Variants in KDM4E observed in about 807,000 individuals in gnomAD.
The protein encoded by KDM4E is lysine-specific demethylase 4E.
For missense variants in KDM4E, 576 were observed against 642.6 expected (o/e 0.90, Z 1.12); for synonymous variants, 229 against 232.9 (o/e 0.98, Z 0.15).
chr11:95,026,746 TG>T lies in KDM4E; in HGVS notation c.1190del (p.Cys397LeufsTer84), dbSNP rs1555103009. The stretch of plus-strand genomic sequence containing the variant: ...AGGGCACTGTTACAACCCAAAAGGC[TG>T]TGGCACTGATGCTGTGCCTGGATCC... Reference protein sequence around the residue: ...SSGHCYNPKGCGTDAVPGSAF... With the variant: ...SSGHCYNPKGXGTDAVPGSAF... On this transcript the variant is annotated frameshift_variant, in exon 1 of 1. Coordinates refer to ENST00000450979, the MANE Select transcript of KDM4E (RefSeq NM_001161630.1). LOFTEE classifies it low-confidence loss of function (END_TRUNC). The T allele has an allele frequency of 2.0e-6, 3 of 1,537,288 alleles. No homozygotes were observed. In the South Asian group the frequency reaches 3.6e-5, roughly 18 times the overall value.
In KDM4E at chr11:95,026,621, T is replaced by C. The variant is rs1555102947; in HGVS notation, c.1064T>C (p.Leu355Pro). ...CCCAGGGTTGCAGAAAGCCAAGAGC[T>C]GAGCAACTGGAGAGATGATATAGTA... ...TEPRVAESQE[L>P]SNWRDDIVLR... Residue 355 changes from leucine to proline, a missense_variant, in exon 1 of 1, where the codon CTG becomes CCG. Leu to Pro is a moderately conservative substitution (Grantham distance 98). Coordinates refer to ENST00000450979, the MANE Select transcript of KDM4E (RefSeq NM_001161630.1). 2.0e-6 allele frequency: 3 copies of C among 1,537,204 alleles called. No homozygotes were observed. In the African/African-American group the frequency reaches 4.1e-5, roughly 21 times the overall value.
In KDM4E at chr11:95,026,970, T is replaced by C; in HGVS notation, c.1413T>C (p.Val471=). 6.5e-7 allele frequency: 1 copy of C among 1,537,238 alleles called. No homozygotes were observed. Among genetic ancestry groups the C allele is most frequent in the South Asian group, 1.2e-5 (1 of 84,052 alleles). Residue 471 remains valine (V), a synonymous_variant, in exon 1 of 1, where the codon GTT becomes GTC. Transcript: ENST00000450979. ...AACTGGGGACTGAGGAGCCAACTGT[T>C]CAGCCTGCATCCAAGAGGCGCCTTT... ...TRELGTEEPT[V]QPASKRRLLM...
At position 95,026,415 on chromosome 11, in the gene KDM4E, C is replaced by A. The variant is rs187600881; in HGVS notation, c.858C>A (p.Cys286Ter). ...YHAGFNHGFN[C>*]AEAINFATPR... The stretch of plus-strand genomic sequence containing the variant: ...CTGGCTTCAATCACGGCTTCAACTG[C>A]GCAGAAGCCATTAATTTTGCCACTC... The change falls in exon 1 of 1, where the codon TGC (cysteine) becomes TGA (stop). Residue 286 changes from cysteine to a stop codon, truncating the protein, a stop_gained. Coordinates refer to ENST00000450979, the MANE Select transcript of KDM4E (RefSeq NM_001161630.1). LOFTEE classifies it low-confidence loss of function (END_TRUNC). The A allele has an allele frequency of 8.7e-6, 14 of 1,613,018 alleles. No individual in the cohort carries two copies. Among genetic ancestry groups the A allele is most frequent in the Admixed American group, 3.3e-5 (2 of 60,012 alleles).
rs548765334 is a variant in KDM4E, at chr11:95,027,094, A to G, written c.*16A>G. 4 of 1,534,530 alleles carry G rather than the reference A, an allele frequency of 2.6e-6. No individual in the cohort carries two copies. The highest frequency in any genetic ancestry group is 1.2e-5 in the South Asian group (1 of 83,888). ...GTCCCTTTGAGTGGTGGCCTTCAGC[A>G]TCTTGCCAAGGCTTCTGGCTGCTGC... On this transcript the variant is annotated 3_prime_UTR_variant, in exon 1 of 1. Coordinates refer to ENST00000450979, the MANE Select transcript of KDM4E (RefSeq NM_001161630.1).
At position 95,026,030 on chromosome 11, in the gene KDM4E, T is replaced by C. The variant is rs2134129502; in HGVS notation, c.473T>C (p.Leu158Pro). The change falls in exon 1 of 1, where the codon CTG becomes CCG. Residue 158 changes from leucine (L) to proline (P), a missense_variant. Physicochemically the swap from Leu to Pro is moderately conservative, Grantham distance 98. Transcript: ENST00000450979. ...QWNLGHLGTI[L>P]DLLEQECGVV... Reference sequence around the variant, plus strand: ...AACCTAGGACACCTGGGAACAATTCTGGACCTGTTGGAGCAGGAATGTGGG... The same window carrying C: ...AACCTAGGACACCTGGGAACAATTCCGGACCTGTTGGAGCAGGAATGTGGG... The C allele has an allele frequency of 1.9e-6, 3 of 1,611,242 alleles. No homozygotes were observed. Among genetic ancestry groups the C allele is most frequent in the Non-Finnish European group, 2.5e-6 (3 of 1,178,266 alleles).
chr11:95,026,503 T>A lies in KDM4E; in HGVS notation c.946T>A (p.Phe316Ile). 6.3e-7 allele frequency: 1 copy of A among 1,591,000 alleles called. No homozygotes were observed. The highest frequency in any genetic ancestry group is 8.5e-7 in the Non-Finnish European group (1 of 1,174,064). ...QCSCGESTVT[F>I]SMDPFVRIVQ... ...TAGCTGTGGGGAGTCGACAGTGACCTTTTCCATGGACCCCTTTGTGCGCAT... is the reference window on the plus strand; with the variant it reads ...TAGCTGTGGGGAGTCGACAGTGACCATTTCCATGGACCCCTTTGTGCGCAT... Residue 316 changes from phenylalanine to isoleucine, a missense_variant, in exon 1 of 1, where the codon TTT (phenylalanine) becomes ATT (isoleucine). Transcript: ENST00000450979.
chr11:95,026,918 G>C lies in KDM4E; in HGVS notation c.1361G>C (p.Gly454Ala), dbSNP rs1326375274. The change falls in exon 1 of 1, where the codon GGT (glycine) becomes GCT (alanine). Residue 454 changes from glycine to alanine, a missense_variant. Transcript: ENST00000450979. ...GQGQGRGCSR[G>A]RGHGCCTREL... is the part of the protein sequence containing the mutation. ...GGTCAAGGTCGAGGTTGCAGTCGTGGTCGTGGTCATGGTTGTTGTACTCGA... is the reference window on the plus strand; with the variant it reads ...GGTCAAGGTCGAGGTTGCAGTCGTGCTCGTGGTCATGGTTGTTGTACTCGA... 6.5e-6 allele frequency: 10 copies of C among 1,537,108 alleles called. No homozygotes were observed. The highest frequency in any genetic ancestry group is 4.4e-6 in the Non-Finnish European group (5 of 1,146,906).
chr11:95,027,196 C>A lies in KDM4E; in HGVS notation c.*118C>A, dbSNP rs781861775. ...ATGCACCCTGGCCTGTGCCTGCTAT[C>A]CCTCAACAGCACTACTAGTAATCTC... On this transcript the variant is annotated 3_prime_UTR_variant, in exon 1 of 1. Coordinates refer to ENST00000450979, the MANE Select transcript of KDM4E (RefSeq NM_001161630.1). The A allele has an allele frequency of 2.7e-5, 35 of 1,297,790 alleles. No homozygotes were observed. The highest frequency in any genetic ancestry group is 5.1e-4 in the Middle Eastern group (2 of 3,916). The allele number at this position is 1,297,790 out of a possible 1,614,324, so 80.4% of individuals were successfully genotyped here.
At position 95,026,715 on chromosome 11, in the gene KDM4E, G is replaced by T. The variant is rs926836009; in HGVS notation, c.1158G>T (p.Val386=). 2 of 1,537,262 alleles carry T rather than the reference G, an allele frequency of 1.3e-6. No individual in the cohort carries two copies. The highest frequency in any genetic ancestry group is 1.7e-4 in the Middle Eastern group (1 of 5,990). Reference sequence around the variant, plus strand: ...CAGCCCAGTGTCCCACACAGCCTGTGTCCTCAGGGCACTGTTACAACCCAA... The same window carrying T: ...CAGCCCAGTGTCCCACACAGCCTGTTTCCTCAGGGCACTGTTACAACCCAA... ...NLTAQCPTQP[V]SSGHCYNPKG... Residue 386 remains valine (V), a synonymous_variant, in exon 1 of 1, where the codon GTG becomes GTT. Transcript: ENST00000450979.
chr11:95,026,938 A>G lies in KDM4E; in HGVS notation c.1381A>G (p.Thr461Ala), dbSNP rs782099329. The G allele has an allele frequency of 1.9e-5, 29 of 1,536,876 alleles. No homozygotes were observed. Among genetic ancestry groups the G allele is most frequent in the Middle Eastern group, 1.7e-4 (1 of 6,012 alleles). The change falls in exon 1 of 1, where the codon ACT (threonine) becomes GCT (alanine). Residue 461 changes from threonine (T) to alanine (A), a missense_variant. Coordinates refer to ENST00000450979, the MANE Select transcript of KDM4E (RefSeq NM_001161630.1). Reference sequence around the variant, plus strand: ...TCGTGGTCGTGGTCATGGTTGTTGTACTCGAGAACTGGGGACTGAGGAGCC... The same window carrying G: ...TCGTGGTCGTGGTCATGGTTGTTGTGCTCGAGAACTGGGGACTGAGGAGCC... ...CSRGRGHGCC[T>A]RELGTEEPTV... is the part of the protein sequence containing the mutation.
chr11:95,026,870 G>T lies in KDM4E; in HGVS notation c.1313G>T (p.Gly438Val). 1.3e-6 allele frequency: 2 copies of T among 1,536,836 alleles called. No homozygotes were observed. Among genetic ancestry groups the T allele is most frequent in the Non-Finnish European group, 1.7e-6 (2 of 1,146,704 alleles). ...CCTTCCACTGGAAGCTGGGGTTCTG[G>T]TCGTGGTCGTGGTCGTGGTCAAGGT... ...LLPSTGSWGS[G>V]RGRGRGQGQG... Residue 438 changes from glycine (G) to valine (V), a missense_variant, in exon 1 of 1, where the codon GGT (glycine) becomes GTT (valine). Physicochemically the swap from Gly to Val is moderately radical, Grantham distance 109 (BLOSUM62 -3). Coordinates refer to ENST00000450979, the MANE Select transcript of KDM4E (RefSeq NM_001161630.1).
In KDM4E at chr11:95,027,005, C is replaced by G; in HGVS notation, c.1448C>G (p.Thr483Arg). Residue 483 changes from threonine (T) to arginine (R), a missense_variant, in exon 1 of 1, where the codon ACA (threonine) becomes AGA (arginine). Transcript: ENST00000450979. ...TCCAAGAGGCGCCTTTTAATGGGTA[C>G]AAGGAGTAGAGCTCAAGGCCACAGG... Reference protein sequence around the residue: ...PASKRRLLMGTRSRAQGHRPQ... With the variant: ...PASKRRLLMGRRSRAQGHRPQ... 2 of 1,537,220 alleles carry G rather than the reference C, an allele frequency of 1.3e-6. No individual in the cohort carries two copies. Among genetic ancestry groups the G allele is most frequent in the East Asian group, 4.9e-5 (2 of 40,906 alleles).
Position 95,025,506 on chromosome 11 carries a change from C to T in KDM4E, c.-52C>T. 6.7e-7 allele frequency: 1 copy of T among 1,482,000 alleles called. No homozygotes were observed. The highest frequency in any genetic ancestry group is 1.4e-5 in the African/African-American group (1 of 71,254). The allele number at this position is 1,482,000 out of a possible 1,614,324, so 91.8% of individuals were successfully genotyped here. A position where few individuals can be genotyped will look rare whatever the true frequency, so the allele number is the denominator to read the frequency against. On this transcript the variant is annotated 5_prime_UTR_variant, in exon 1 of 1. Coordinates refer to ENST00000450979, the MANE Select transcript of KDM4E (RefSeq NM_001161630.1). ...GAAATTACTCCCCAGAACTCTCAGG[C>T]ATCTAGAGGACACCCAAGAACGTGG...
At position 95,025,836 on chromosome 11, in the gene KDM4E, G is replaced by A. The variant is rs782004714; in HGVS notation, c.279G>A (p.Met93Ile). The A allele has an allele frequency of 2.5e-6, 4 of 1,595,032 alleles. No homozygotes were observed. The highest frequency in any genetic ancestry group is 4.5e-5 in the East Asian group (2 of 44,212). ...AATACCATAAAAAGAAGAAAGCCAT[G>A]AGGGTGGGGCAGTATCGCCGCTTGG... ...FTQYHKKKKA[M>I]RVGQYRRLAN... is the part of the protein sequence containing the mutation. The change falls in exon 1 of 1, where the codon ATG becomes ATA. Residue 93 changes from methionine to isoleucine, a missense_variant. Physicochemically the swap from Met to Ile is conservative, Grantham distance 10. Coordinates refer to ENST00000450979, the MANE Select transcript of KDM4E (RefSeq NM_001161630.1).
In KDM4E at chr11:95,026,659, G is replaced by A; in HGVS notation, c.1102G>A (p.Ala368Thr). 1 of 1,537,262 alleles carries A rather than the reference G, an allele frequency of 6.5e-7. No homozygotes were observed. Among genetic ancestry groups the A allele is most frequent in the Non-Finnish European group, 8.7e-7 (1 of 1,146,910 alleles). Residue 368 changes from alanine (A) to threonine (T), a missense_variant, in exon 1 of 1, where the codon GCT (alanine) becomes ACT (threonine). Ala to Thr is a moderately conservative substitution (Grantham distance 58, BLOSUM62 0). Coordinates refer to ENST00000450979, the MANE Select transcript of KDM4E (RefSeq NM_001161630.1). ...WRDDIVLRRAALGLRLLPNLT... is the reference protein window; with the variant it reads ...WRDDIVLRRATLGLRLLPNLT... ...AGATGATATAGTACTTAGAAGAGCT[G>A]CTCTGGGCCTGAGGCTTCTCCCAAA...
rs1220744826 is a variant in KDM4E, at chr11:95,027,467, C to T, written c.*389C>T. ...AGACACTGAGTTTAGGGATATTTTC[C>T]TCCAATACATGATCAATCCTCTGGA... is the stretch of plus-strand genomic sequence containing the variant. On this transcript the variant is annotated 3_prime_UTR_variant, in exon 1 of 1. Coordinates refer to ENST00000450979, the MANE Select transcript of KDM4E (RefSeq NM_001161630.1). The T allele has an allele frequency of 4.9e-6, 1 of 205,418 alleles. No individual in the cohort carries two copies. The highest frequency in any genetic ancestry group is 1.0e-5 in the Non-Finnish European group (1 of 100,228). The allele number at this position is 205,418 out of a possible 1,614,324, so 12.7% of individuals were successfully genotyped here.
chr11:95,026,922 T>C lies in KDM4E; in HGVS notation c.1365T>C (p.Arg455=). 1 of 1,537,176 alleles carries C rather than the reference T, an allele frequency of 6.5e-7. No individual in the cohort carries two copies. Among genetic ancestry groups the C allele is most frequent in the African/African-American group, 1.4e-5 (1 of 73,152 alleles). The change falls in exon 1 of 1, where the codon CGT becomes CGC. Residue 455 remains arginine, a synonymous_variant. Coordinates refer to ENST00000450979, the MANE Select transcript of KDM4E (RefSeq NM_001161630.1). ...AAGGTCGAGGTTGCAGTCGTGGTCG[T>C]GGTCATGGTTGTTGTACTCGAGAAC... is the stretch of plus-strand genomic sequence containing the variant. The part of the protein sequence containing the change: ...QGQGRGCSRG[R]GHGCCTRELG...
chr11:95,026,338 A>G lies in KDM4E; in HGVS notation c.781A>G (p.Met261Val), dbSNP rs1555102832. 4.3e-6 allele frequency: 7 copies of G among 1,613,970 alleles called. No homozygotes were observed. The highest frequency in any genetic ancestry group is 4.2e-6 in the Non-Finnish European group (5 of 1,180,020). The part of the protein sequence containing the change: ...LKENGIPFNC[M>V]TQEAGEFMVT... The stretch of plus-strand genomic sequence containing the variant: ...GGAAAATGGGATTCCCTTCAATTGC[A>G]TGACTCAGGAGGCTGGGGAGTTCAT... The change falls in exon 1 of 1, where the codon ATG becomes GTG. Residue 261 changes from methionine (M) to valine (V), a missense_variant. Physicochemically the swap from Met to Val is conservative, Grantham distance 21. Coordinates refer to ENST00000450979, the MANE Select transcript of KDM4E (RefSeq NM_001161630.1).
chr11:95,026,228 C>A lies in KDM4E; in HGVS notation c.671C>A (p.Ala224Asp), dbSNP rs782459785. 4.3e-6 allele frequency: 7 copies of A among 1,614,112 alleles called. No homozygotes were observed. Among genetic ancestry groups the A allele is most frequent in the Non-Finnish European group, 5.1e-6 (6 of 1,180,024 alleles). ...PEHGQHLERL[A>D]RELFPDISRG... Reference sequence around the variant, plus strand: ...CATGGTCAGCACCTGGAACGCCTGGCCAGGGAGCTCTTCCCAGACATTTCT... The same window carrying A: ...CATGGTCAGCACCTGGAACGCCTGGACAGGGAGCTCTTCCCAGACATTTCT... The change falls in exon 1 of 1, where the codon GCC becomes GAC. Residue 224 changes from alanine to aspartate, a missense_variant. Transcript: ENST00000450979.
Sources: allele counts gnomAD v4.1 joint callset, GRCh38; gene constraint gnomAD v4.1.1; transcripts MANE v1.5; gene names NCBI Gene and HGNC (gene_info 2026-07-23, HGNC 2026-07-21).